CPNE4: variants seen among roughly 807,000 people sequenced by gnomAD.
CPNE4 encodes copine-4.
CPNE4 carries 25 observed loss-of-function variants against 67.9 expected under a neutral mutation model. That is an observed-to-expected ratio of 0.37 (90% CI 0.27 to 0.51). The LOEUF (loss-of-function observed/expected upper bound fraction) is 0.51. Ranked by LOEUF, CPNE4 falls within the 20% of genes least tolerant of loss-of-function variation. The pLI is 0.93. For missense variants in CPNE4, 464 were observed against 690.8 expected (o/e 0.67, Z 3.68); for synonymous variants, 242 against 244.9 (o/e 0.99, Z 0.11).
At chr3:131,931,563 A>C (rs1271662527) in intron 1 of CPNE4, among the ~76,000 whole-genome samples, 5 of 152,076 alleles carry the variant, frequency 3.3e-5, no homozygotes, top group Non-Finnish European at 7.4e-5. Flanking sequence ...TCCTTACCTA[A>C]TTGCAATTAT....
At chr3:131,722,264 G>A (rs1018399110) in intron 3 of CPNE4, among the ~76,000 whole-genome samples, 7 of 151,904 alleles carry the variant, frequency 4.6e-5, no homozygotes, top group African/African-American at 7.3e-5. Flanking sequence ...AGATTTTGTG[G>A]GTCTTAAGAC....
In CPNE4 at chr3:131,581,487, T is replaced by A; in HGVS notation, c.867+92A>T. ...TTTTATTTTAAAAGATCACATCTTT[T>A]TGATACTCTTTTCCTCTGACCACAC... is the stretch of plus-strand genomic sequence containing the variant. On this transcript the variant is annotated intron_variant, in intron 9 of 15. Transcript: ENST00000429747. The A allele has an allele frequency of 4.9e-6, 4 of 812,770 alleles. 1 individual carries two copies. Among genetic ancestry groups the A allele is most frequent in the Non-Finnish European group, 8.3e-6 (4 of 481,210 alleles). 50.3% of individuals were successfully genotyped at this position (812,770 alleles called of 1,614,324 possible).
At chr3:132,027,926 A>C (rs1334508033) in intron 1 of CPNE4, among the ~76,000 whole-genome samples, 1 of 152,206 alleles carries the variant, frequency 6.6e-6, no homozygotes, top group Non-Finnish European at 1.5e-5. Flanking sequence ...TATTTTTAAA[A>C]CAGAGTTCTT....
intron 2 of CPNE4, among the ~76,000 whole-genome samples, chr3:131,865,514 C>T (rs2086903969): frequency 1.3e-5 from 2 of 152,036 alleles, no homozygotes; most frequent in African/African-American, 4.8e-5. Flanking sequence ...TTCAACCTGT[C>T]CCATATATTC....
At chr3:131,863,733 G>T (rs552530047) in intron 2 of CPNE4, among the ~76,000 whole-genome samples, 4 of 152,102 alleles carry the variant, frequency 2.6e-5, no homozygotes, top group African/African-American at 7.2e-5. Context: ...GTCAATTTTG[G>T]CTTTTGTTGC....
At chr3:131,851,076 G>A (rs2086223225) in intron 2 of CPNE4, among the ~76,000 whole-genome samples, 1 of 146,060 alleles carries the variant, frequency 6.8e-6, no homozygotes, top group African/African-American at 2.5e-5. Context: ...GGAATGTACT[G>A]AAAAAATGTG....
intron 1 of CPNE4, among the ~76,000 whole-genome samples, chr3:132,006,747 G>GT (rs2073617525): frequency 6.6e-6 from 1 of 151,910 alleles, no homozygotes. Flanking sequence ...GCAATCAGAA[G>GT]TAACTGGATT....
chr3:131,819,058 C>T (rs1380545044), intron 2 of CPNE4, among the ~76,000 whole-genome samples: 2 of 152,104 alleles, frequency 1.3e-5, no homozygotes, highest in East Asian at 3.9e-4. Flanking sequence ...GAAGATTGTG[C>T]CACTGTACTT....
chr3:131,656,370 C>T (rs967769830), intron 7 of CPNE4, among the ~76,000 whole-genome samples: 7 of 152,074 alleles, frequency 4.6e-5, no homozygotes, highest in African/African-American at 1.4e-4. Flanking sequence ...GAAACATTAA[C>T]CTAATTAACC....
chr3:132,022,454 G>A (rs1371237427), intron 1 of CPNE4, among the ~76,000 whole-genome samples: 1 of 152,072 alleles, frequency 6.6e-6, no homozygotes, highest in African/African-American at 2.4e-5. Context: ...ACAGATTCCT[G>A]CTTGATGTTG....
chr3:131,646,724 T>C (rs1447400840), intron 7 of CPNE4, among the ~76,000 whole-genome samples: 1 of 152,142 alleles, frequency 6.6e-6, no homozygotes, highest in Non-Finnish European at 1.5e-5. Context: ...ACACCTACTA[T>C]ATAGCCACAA....
intron 1 of CPNE4, among the ~76,000 whole-genome samples, chr3:132,015,389 G>A (rs982090485): frequency 2.0e-5 from 3 of 152,036 alleles, no homozygotes; most frequent in African/African-American, 7.2e-5. Flanking sequence ...CTGCTAGAAG[G>A]TAACCCTTTC....
At chr3:131,673,350 G>C (rs896248358) in intron 6 of CPNE4, among the ~76,000 whole-genome samples, 1 of 151,980 alleles carries the variant, frequency 6.6e-6, no homozygotes, top group Non-Finnish European at 1.5e-5. Context: ...TTTTAGGATT[G>C]TGTTTTCTAG....
At position 131,823,290 on chromosome 3, in the gene CPNE4, GATTGCTGGGCA is replaced by G. The variant is rs55738778; in HGVS notation, c.180+81963_180+81973del. 7.0e-3 allele frequency among the ~76,000 whole-genome samples: 1,070 copies of G among 152,350 alleles called. 7 individuals are homozygous for G. The highest frequency in any genetic ancestry group is 0.012 in the Non-Finnish European group (785 of 68,032). On this transcript the variant is annotated intron_variant, in intron 2 of 15. Coordinates refer to ENST00000429747, the MANE Select transcript of CPNE4 (RefSeq NM_130808.3). ...TGCAAGCTTGCAGGTTGTAGTTACA[GATTGCTGGGCA>G]ATTTTCACCGAATGAATGTGTGGAA...
intron 13 of CPNE4, among the ~76,000 whole-genome samples, chr3:131,551,817 G>A (rs1434963409): frequency 1.3e-5 from 2 of 151,934 alleles, no homozygotes; most frequent in East Asian, 1.9e-4. Flanking sequence ...AATCATTCTA[G>A]AACAAAATTT....
chr3:131,955,977 T>C (rs1326260970), intron 1 of CPNE4, among the ~76,000 whole-genome samples: 1 of 152,190 alleles, frequency 6.6e-6, no homozygotes, highest in African/African-American at 2.4e-5. Context: ...ACAATGTTAA[T>C]GTTTGCTCCT....
intron 1 of CPNE4, among the ~76,000 whole-genome samples, chr3:131,913,314 G>A (rs537107651): frequency 3.3e-5 from 5 of 152,262 alleles, no homozygotes; most frequent in African/African-American, 9.6e-5. Flanking sequence ...CAGTAGGCTC[G>A]AGCATGCATA....
At chr3:131,828,541 A>G (rs1022572422) in intron 2 of CPNE4, among the ~76,000 whole-genome samples, 4 of 152,142 alleles carry the variant, frequency 2.6e-5, no homozygotes, top group African/African-American at 9.7e-5. Context: ...CTCAAGTGGA[A>G]TGCAATTTAA....
chr3:131,548,953 G>C (rs1221936855), intron 14 of CPNE4, among the ~76,000 whole-genome samples: 1 of 152,120 alleles, frequency 6.6e-6, no homozygotes, highest in African/African-American at 2.4e-5. Context: ...AGAGTCAAGG[G>C]GGAGATATTA....
Sources: allele counts gnomAD v4.1 joint callset (sites outside exome capture counted in the v4.1 genomes callset), GRCh38; gene constraint gnomAD v4.1.1; transcripts MANE v1.5; gene names NCBI Gene and HGNC (gene_info 2026-07-23, HGNC 2026-07-21).